TASP1: variants seen among roughly 807,000 people sequenced by gnomAD.
TASP1 encodes threonine aspartase 1.
In TASP1, 16 loss-of-function variants were observed where a neutral mutation model predicts 56.6. The ratio of observed to expected loss-of-function variants is 0.28; its 90% CI spans 0.19 to 0.43. The LOEUF is 0.43. Among genes scored for constraint, TASP1 ranks in the 20% least tolerant of loss-of-function variants. The probability of loss-of-function intolerance (pLI) is 1.00; values close to 1 mark genes in which losing one functional copy is unlikely to be tolerated. For synonymous variants in TASP1, 179 were observed against 184.2 expected, an observed-to-expected ratio of 0.97 and a Z score of 0.23; for missense variants, 393 against 511.6, an observed-to-expected ratio of 0.77 and a Z score of 2.24.
intron 13 of TASP1, among the ~76,000 whole-genome samples, chr20:13,395,408 T>C (rs1297024330): frequency 6.6e-6 from 1 of 152,244 alleles, no homozygotes; most frequent in Non-Finnish European, 1.5e-5. Flanking sequence ...TCCCTTCTCC[T>C]GTTAATTCTT....
the TASP1 span, among the ~76,000 whole-genome samples, chr20:13,263,218 G>A: frequency 1.3e-5 from 2 of 152,162 alleles, no homozygotes; most frequent in Admixed American, 6.5e-5. Flanking sequence ...TCATACACAG[G>A]CTTCATGAGA....
At chr20:13,423,487 G>A (rs953168221) in intron 12 of TASP1, among the ~76,000 whole-genome samples, 1 of 151,814 alleles carries the variant, frequency 6.6e-6, no homozygotes, top group Admixed American at 6.6e-5. Flanking sequence ...ACATGCTGCA[G>A]TTTAAAAAAA....
chr20:13,280,745 C>T, the TASP1 span, among the ~76,000 whole-genome samples: 8 of 152,202 alleles, frequency 5.3e-5, no homozygotes, highest in African/African-American at 1.9e-4. Context: ...GTTGGGAAGA[C>T]CTGGTCACAT....
At chr20:13,235,927 C>CTTTTTT in the TASP1 span, among the ~76,000 whole-genome samples, 2 of 149,582 alleles carry the variant, frequency 1.3e-5, no homozygotes, top group Non-Finnish European at 1.5e-5. Flanking sequence ...TTGTACTTCC[C>CTTTTTT]TTTTTTCTTT....
rs773637963 is a variant in TASP1, at chr20:13,483,317, G to A, written c.895C>T (p.Arg299Cys). The change falls in exon 11 of 14, where the codon CGC becomes TGC. Residue 299 changes from arginine to cysteine, a missense_variant. Transcript: ENST00000337743. ...STSGCGEHLV[R>C]TILARECSHA... ...GAACATTCTCTAGCCAGTATGGTGC[G>A]CACAAGATGCTCTCCACATCCTAGA... 8 of 1,579,560 alleles carry A rather than the reference G, an allele frequency of 5.1e-6. No homozygotes were observed. The highest frequency in any genetic ancestry group is 3.4e-4 in the Middle Eastern group (2 of 5,956).
intron 10 of TASP1, among the ~76,000 whole-genome samples, chr20:13,498,994 A>G (rs1172068837): frequency 1.3e-5 from 2 of 152,194 alleles, no homozygotes. Flanking sequence ...AAAGTATGCT[A>G]CAAAAAAGGC....
intron 8 of TASP1, among the ~76,000 whole-genome samples, chr20:13,558,020 T>C (rs948367905): frequency 6.6e-6 from 1 of 152,208 alleles, no homozygotes; most frequent in Non-Finnish European, 1.5e-5. Context: ...TCTTATCCTT[T>C]GCCGGCAGAA....
the TASP1 span, among the ~76,000 whole-genome samples, chr20:13,111,458 G>A: frequency 1.3e-4 from 20 of 152,328 alleles, 1 homozygote; most frequent in East Asian, 2.1e-3. Context: ...AGCATCCTAC[G>A]ATGCATGGGA....
chr20:13,224,269 T>C, the TASP1 span, among the ~76,000 whole-genome samples: 3 of 152,206 alleles, frequency 2.0e-5, no homozygotes, highest in African/African-American at 7.2e-5. Context: ...AAAAGTTTTA[T>C]ACTCTTCCTG....
At chr20:13,344,693 A>G in the TASP1 span, among the ~76,000 whole-genome samples, 1 of 152,218 alleles carries the variant, frequency 6.6e-6, no homozygotes, top group South Asian at 2.1e-4. Flanking sequence ...AGTTCCCTGA[A>G]GCCAAGTTCC....
the TASP1 span, among the ~76,000 whole-genome samples, chr20:13,375,486 A>G: frequency 3.6e-4 from 55 of 152,090 alleles, no homozygotes; most frequent in Non-Finnish European, 5.9e-4. Flanking sequence ...TCTATCATTG[A>G]TGGGCATCTG....
intron 1 of TASP1, among the ~76,000 whole-genome samples, chr20:13,630,967 CAA>C (rs918273254): frequency 1.3e-5 from 2 of 151,942 alleles, no homozygotes; most frequent in African/African-American, 2.4e-5. Context: ...CTAAATCAAG[CAA>C]AAATTTGAGC....
intron 4 of TASP1, among the ~76,000 whole-genome samples, 164 bp downstream of exon 4, chr20:13,623,282 C>A (rs1318702675): frequency 1.3e-5 from 2 of 151,850 alleles, no homozygotes; most frequent in African/African-American, 2.4e-5. Context: ...AGAAAAGTCA[C>A]CAATGAAAAC....
the TASP1 span, among the ~76,000 whole-genome samples, chr20:13,371,029 T>C: frequency 2.6e-5 from 4 of 152,134 alleles, no homozygotes; most frequent in Non-Finnish European, 5.9e-5. Context: ...CTCTTCTATT[T>C]CTGATTTTAG....
At chr20:13,255,196 T>G in the TASP1 span, among the ~76,000 whole-genome samples, 1 of 152,202 alleles carries the variant, frequency 6.6e-6, no homozygotes, top group Non-Finnish European at 1.5e-5. Flanking sequence ...GGAGGTGACA[T>G]TTAAGCTGAG....
chr20:13,507,797 G>C (rs1179337818), intron 10 of TASP1, among the ~76,000 whole-genome samples: 1 of 152,092 alleles, frequency 6.6e-6, no homozygotes, highest in Non-Finnish European at 1.5e-5. Context: ...GAAAAACAAG[G>C]GTGGAAGCAT....
chr20:13,528,107 C>A (rs2045058296), intron 10 of TASP1, among the ~76,000 whole-genome samples: 1 of 150,384 alleles, frequency 6.6e-6, no homozygotes, highest in African/African-American at 2.5e-5. Context: ...CCTGTAATCC[C>A]AGCTACTCGG....
At chr20:13,489,250 C>T (rs2043434598) in intron 10 of TASP1, among the ~76,000 whole-genome samples, 1 of 152,138 alleles carries the variant, frequency 6.6e-6, no homozygotes, top group Admixed American at 6.6e-5. Flanking sequence ...GGCTGTTTTA[C>T]CACCTTAGCC....
At chr20:13,417,138 T>C (rs2042282543) in intron 13 of TASP1, among the ~76,000 whole-genome samples, 1 of 152,186 alleles carries the variant, frequency 6.6e-6, no homozygotes, top group South Asian at 2.1e-4. Context: ...TCCCATTTTC[T>C]CTTCCCAAAC....
Sources: gnomAD v4.1 joint callset for allele counts (sites outside exome capture counted in the v4.1 genomes callset) on GRCh38, gnomAD v4.1.1 for gene constraint, MANE v1.5 for transcripts, NCBI Gene and HGNC (gene_info 2026-07-23, HGNC 2026-07-21) for gene names.